Variants in HPS4 observed in about 807,000 individuals in gnomAD.
HPS4 encodes the protein BLOC-3 complex member HPS4.
HPS4 carries 44 observed loss-of-function variants against 70.3 expected under a neutral mutation model. That is an observed-to-expected ratio of 0.63 (90% CI 0.49 to 0.80). The LOEUF is 0.80. Among genes scored for constraint, HPS4 ranks in the 30% least tolerant of loss-of-function variants. The probability of loss-of-function intolerance (pLI) is 0.00; values close to 1 mark genes in which losing one functional copy is unlikely to be tolerated. For missense variants in HPS4, 873 were observed against 884.4 expected (o/e 0.99, Z 0.16); for synonymous variants, 377 against 355.9 (o/e 1.06, Z -0.67).
intron 12 of HPS4, 142 bp from the exon 13 acceptor site, chr22:26,458,109 G>A: frequency 1.3e-6 from 1 of 776,924 alleles, no homozygotes; most frequent in Non-Finnish European, 2.2e-6. Flanking sequence ...AAAGGCCCGG[G>A]GCATTGGGCT....
downstream of HPS4, among the ~76,000 whole-genome samples, chr22:26,449,464 G>A (rs988802386): frequency 6.6e-6 from 1 of 151,694 alleles, no homozygotes; most frequent in African/African-American, 2.4e-5. Flanking sequence ...CCGAGTAGCT[G>A]GGATTACAGG....
rs1006812071 is a variant in HPS4, at chr22:26,479,624, C to T, written c.42-269G>A. Reference sequence around the variant, plus strand: ...AGTAGCTAGAAAAAAAAACGAGGCGCCCACAATGACTGCTCTTATTTGAAA... The same window carrying T: ...AGTAGCTAGAAAAAAAAACGAGGCGTCCACAATGACTGCTCTTATTTGAAA... On this transcript the variant is annotated intron_variant, in intron 2 of 13. Coordinates refer to ENST00000398145, the MANE Select transcript of HPS4 (RefSeq NM_022081.6). 6 of 1,323,174 alleles carry T rather than the reference C, an allele frequency of 4.5e-6. No homozygotes were observed. The Admixed American group carries it at 1.1e-4, about 24-fold the overall frequency. The allele number at this position is 1,323,174 out of a possible 1,614,324, so 82.0% of individuals were successfully genotyped here. A position where few individuals can be genotyped will look rare whatever the true frequency, so the allele number is the denominator to read the frequency against.
At chr22:26,473,777 T>C (rs980592882) in intron 4 of HPS4, among the ~76,000 whole-genome samples, 1 of 152,182 alleles carries the variant, frequency 6.6e-6, no homozygotes, top group Admixed American at 6.5e-5. Flanking sequence ...TAGAAAGTTA[T>C]CTGGTCATAT....
Position 26,481,868 on chromosome 22 carries a change from G to A in HPS4, c.-106C>T. The A allele has an allele frequency of 8.9e-7, 1 of 1,120,640 alleles. No individual in the cohort carries two copies. Among genetic ancestry groups the A allele is most frequent in the Non-Finnish European group, 1.4e-6 (1 of 734,878 alleles). 69.4% of individuals were successfully genotyped at this position (1,120,640 alleles called of 1,614,324 possible). ...CTCTATCCCCCAATCCAGTGAATCTGGACGTGGTAGGTTTCAGTGTTTTCA... is the reference window on the plus strand; with the variant it reads ...CTCTATCCCCCAATCCAGTGAATCTAGACGTGGTAGGTTTCAGTGTTTTCA... On this transcript the variant is annotated 5_prime_UTR_variant, in exon 2 of 14. Coordinates refer to ENST00000398145, the MANE Select transcript of HPS4 (RefSeq NM_022081.6).
Position 26,472,778 on chromosome 22 carries a change from T to C in HPS4, c.384+54A>G, listed in dbSNP as rs577073882. 25 of 1,280,506 alleles carry C rather than the reference T, an allele frequency of 2.0e-5. 1 individual carries two copies. In the East Asian group the frequency reaches 2.8e-4, roughly 14 times the overall value. 79.3% of individuals were successfully genotyped at this position (1,280,506 alleles called of 1,614,324 possible). Reference sequence around the variant, plus strand: ...CAGAGTAAGTGCTGCATTCTGGCAATACCGGTTTTTATAAAGAGGCCCAAT... The same window carrying C: ...CAGAGTAAGTGCTGCATTCTGGCAACACCGGTTTTTATAAAGAGGCCCAAT... On this transcript the variant is annotated intron_variant, in intron 5 of 13. Coordinates refer to ENST00000398145, the MANE Select transcript of HPS4 (RefSeq NM_022081.6).
In HPS4 at chr22:26,481,922, C is replaced by G; in HGVS notation, c.-160G>C. ...ACAACTGCCACTTGGTTAGTTTTCA[C>G]TCAGCATGGAAAGTTCCACTTCCCT... On this transcript the variant is annotated 5_prime_UTR_variant, in exon 2 of 14. Transcript: ENST00000398145. 1.4e-6 allele frequency: 1 copy of G among 722,048 alleles called. No individual in the cohort carries two copies. Among genetic ancestry groups the G allele is most frequent in the Non-Finnish European group, 2.5e-6 (1 of 399,498 alleles). The allele number at this position is 722,048 out of a possible 1,614,324, so 44.7% of individuals were successfully genotyped here. A position where few individuals can be genotyped will look rare whatever the true frequency, so the allele number is the denominator to read the frequency against.
chr22:26,481,164 G>A (rs2091249912), intron 2 of HPS4, among the ~76,000 whole-genome samples: 1 of 151,302 alleles, frequency 6.6e-6, no homozygotes, highest in Non-Finnish European at 1.5e-5. Context: ...ATTTTGAACT[G>A]CTCCATCTTT....
At chr22:26,456,617 C>A (rs34419861) in intron 13 of HPS4, among the ~76,000 whole-genome samples, 1 of 152,170 alleles carries the variant, frequency 6.6e-6, no homozygotes, top group African/African-American at 2.4e-5. Flanking sequence ...CGAGACTGAG[C>A]CCCTGCACTC....
chr22:26,474,257 A>C (rs1228976593), intron 4 of HPS4, among the ~76,000 whole-genome samples: 3 of 152,250 alleles, frequency 2.0e-5, no homozygotes, highest in African/African-American at 7.2e-5. Flanking sequence ...AGCCGAAAAG[A>C]GTCCAGAAAT....
Position 26,452,134 on chromosome 22 carries a change from G to A in HPS4, c.*1099C>T, listed in dbSNP as rs1186823511. The stretch of plus-strand genomic sequence containing the variant: ...TTTGGCTATTTTATTTCTAGCCCTT[G>A]GAAGCTTGTTTCAAGAAAAAGACAC... On this transcript the variant is annotated 3_prime_UTR_variant, in exon 14 of 14. Transcript: ENST00000398145. 1 of 340,486 alleles carries A rather than the reference G, an allele frequency of 2.9e-6. No individual in the cohort carries two copies. Among genetic ancestry groups the A allele is most frequent in the Non-Finnish European group, 5.7e-6 (1 of 174,136 alleles). The allele number at this position is 340,486 out of a possible 1,614,324, so 21.1% of individuals were successfully genotyped here.
downstream of HPS4, among the ~76,000 whole-genome samples, chr22:26,449,041 G>A (rs1163891718): frequency 2.6e-5 from 4 of 152,258 alleles, no homozygotes; most frequent in East Asian, 5.8e-4. Context: ...CACAGGCTGA[G>A]AGTATTAGTG....
chr22:26,460,381 G>A (rs1327934190), intron 11 of HPS4, among the ~76,000 whole-genome samples: 2 of 152,254 alleles, frequency 1.3e-5, no homozygotes, highest in Non-Finnish European at 2.9e-5. Context: ...AGATGTGTGT[G>A]TGTGCATGTG....
downstream of HPS4, among the ~76,000 whole-genome samples, chr22:26,450,413 T>C (rs994072157): frequency 7.9e-5 from 12 of 152,216 alleles, no homozygotes; most frequent in African/African-American, 2.9e-4. Flanking sequence ...ACAGACACCA[T>C]GGAGGGCGAC....
At chr22:26,461,687 CAGATAAAGT>C (rs1183190784) in intron 11 of HPS4, among the ~76,000 whole-genome samples, 3 of 152,150 alleles carry the variant, frequency 2.0e-5, no homozygotes, top group Non-Finnish European at 4.4e-5. Flanking sequence ...GCAGGGAAAT[CAGATAAAGT>C]ATTTTCAAGG....
intron 11 of HPS4, among the ~76,000 whole-genome samples, chr22:26,461,913 G>A (rs1008590768): frequency 1.3e-5 from 2 of 152,086 alleles, no homozygotes; most frequent in Non-Finnish European, 2.9e-5. Context: ...GATTACCTGA[G>A]GTCAGGAGTT....
Position 26,445,828 on chromosome 22 carries a change from C to CT in HPS4, n.519-1135dup, listed in dbSNP as rs1466129901. On this transcript the variant is annotated intron_variant and non_coding_transcript_variant, in intron 3 of 3. Coordinates refer to the HPS4 transcript ENST00000493455. ...GAAGCCAGTGGCTACTTTCAATTGCCTGTGTCTAATCACAGAGGAAGAAAC... is the reference window on the plus strand; with the variant it reads ...GAAGCCAGTGGCTACTTTCAATTGCCTTGTGTCTAATCACAGAGGAAGAAAC... Among the ~76,000 whole-genome samples, 3 of 152,340 alleles carry CT rather than the reference C, an allele frequency of 2.0e-5. No homozygotes were observed. The East Asian group carries it at 5.8e-4, about 29-fold the overall frequency.
At chr22:26,473,644 G>A (rs898151912) in intron 4 of HPS4, among the ~76,000 whole-genome samples, 2 of 152,160 alleles carry the variant, frequency 1.3e-5, no homozygotes, top group Non-Finnish European at 2.9e-5. Context: ...TCAGGAGGCT[G>A]AGGCAGGGGA....
chr22:26,466,439 C>T, intron 8 of HPS4, 177 bp from the exon 9 acceptor site: 1 of 733,808 alleles, frequency 1.4e-6, no homozygotes, highest in South Asian at 1.5e-5. Context: ...CTGCTGGCTC[C>T]CACTATGGCT....
At position 26,470,750 on chromosome 22, in the gene HPS4, T is replaced by C. The variant is rs1416121775; in HGVS notation, c.565A>G (p.Ile189Val). Residue 189 changes from isoleucine to valine, a missense_variant, in exon 7 of 14, where the codon ATT becomes GTT. Physicochemically the swap from Ile to Val is conservative, Grantham distance 29. Transcript: ENST00000398145. ...TTATAGAGGATGCAGCCAGCGAGAA[T>C]GTGAGGCGAGCGCTGGCAGGTCTGC... is the stretch of plus-strand genomic sequence containing the variant. ...ILQTCQRSPH[I>V]LAGCILYKGL... 1.9e-6 allele frequency: 3 copies of C among 1,613,992 alleles called. No homozygotes were observed. The highest frequency in any genetic ancestry group is 2.5e-6 in the Non-Finnish European group (3 of 1,180,020).
Sources: gnomAD v4.1 joint callset for allele counts (sites outside exome capture counted in the v4.1 genomes callset) on GRCh38, gnomAD v4.1.1 for gene constraint, MANE v1.5 for transcripts, NCBI Gene and HGNC (gene_info 2026-07-23, HGNC 2026-07-21) for gene names.